The following HSBP1L1 variants were observed in gnomAD, a reference collection of about 807,000 sequenced individuals.
The protein encoded by HSBP1L1 is heat shock factor binding protein 1 like 1.
A neutral mutation model predicts 9.7 loss-of-function variants in HSBP1L1; 8 were observed. The ratio of observed to expected loss-of-function variants is 0.82; its 90% CI spans 0.48 to 1.48. The LOEUF is 1.48. Among genes scored for constraint, HSBP1L1 ranks in the 40% most tolerant of loss-of-function variants. HSBP1L1 has a pLI of 0.00. For missense variants in HSBP1L1, 106 were observed against 95.8 expected (o/e 1.11, Z -0.44); for synonymous variants, 39 against 34.4 (o/e 1.13, Z -0.46).
In HSBP1L1 at chr18:79,970,616, G is replaced by A. The variant is rs1021608369; in HGVS notation, c.*165G>A. The stretch of plus-strand genomic sequence containing the variant: ...GCCTGCACCAGAGAAGGAGGCCATC[G>A]GCAAGCCAAGGAGAGCCCTCCCCAG... On this transcript the variant is annotated 3_prime_UTR_variant, in exon 4 of 4. Coordinates refer to ENST00000451882, the MANE Select transcript of HSBP1L1 (RefSeq NM_001136180.2). The A allele has an allele frequency of 4.1e-5, 25 of 614,808 alleles. 1 individual carries two copies. Among genetic ancestry groups the A allele is most frequent in the Non-Finnish European group, 5.7e-5 (19 of 332,414 alleles). The allele number at this position is 614,808 out of a possible 1,614,324, so 38.1% of individuals were successfully genotyped here.
Position 79,964,710 on chromosome 18 carries a change from A to G in HSBP1L1, c.-26A>G. The G allele has an allele frequency of 1.5e-6, 2 of 1,375,972 alleles. No homozygotes were observed. Among genetic ancestry groups the G allele is most frequent in the Non-Finnish European group, 1.9e-6 (2 of 1,053,166 alleles). 85.2% of individuals were successfully genotyped at this position (1,375,972 alleles called of 1,614,324 possible). A position where few individuals can be genotyped will look rare whatever the true frequency, so the allele number is the denominator to read the frequency against. On this transcript the variant is annotated 5_prime_UTR_variant, in exon 1 of 4. Transcript: ENST00000451882. The stretch of plus-strand genomic sequence containing the variant: ...GTCCGCGCGGCCCACGGGACCCCCC[A>G]CTGACGCCCCCGGCCAGCGGTCCAC...
chr18:79,967,200 T>C (rs1352342303), intron 2 of HSBP1L1, among the ~76,000 whole-genome samples: 4 of 150,054 alleles, frequency 2.7e-5, no homozygotes, highest in African/African-American at 9.8e-5. Flanking sequence ...ACACAGGATG[T>C]CTTGTGCAGC....
chr18:79,970,151 C>A, intron 3 of HSBP1L1: 1 of 349,704 alleles, frequency 2.9e-6, no homozygotes, highest in Non-Finnish European at 5.5e-6. Flanking sequence ...TCCTCTGTTG[C>A]TGGCTGTAAC....
chr18:79,965,318 A>T (rs2051251475), intron 1 of HSBP1L1, among the ~76,000 whole-genome samples: 1 of 152,202 alleles, frequency 6.6e-6, no homozygotes, highest in African/African-American at 2.4e-5. Flanking sequence ...ATCTGAAGGA[A>T]TGTGTTGGGC....
At chr18:79,966,472 G>A (rs1175722116) in intron 1 of HSBP1L1, 140 bp from the exon 2 acceptor site, 49 of 597,548 alleles carry the variant, frequency 8.2e-5, no homozygotes. Flanking sequence ...GAATCCAGGA[G>A]GCGGAGGTTG....
intron 1 of HSBP1L1, among the ~76,000 whole-genome samples, chr18:79,964,996 C>T (rs958617887): frequency 8.1e-6 from 1 of 124,196 alleles, no homozygotes; most frequent in Non-Finnish European, 1.6e-5. Context: ...CCTGGGGGGG[C>T]CCCTGAAGAC....
intron 3 of HSBP1L1, 63 bp from the exon 4 acceptor site, chr18:79,970,377 G>A (rs1171404530): frequency 4.2e-6 from 3 of 718,080 alleles, no homozygotes; most frequent in African/African-American, 3.5e-5. Flanking sequence ...TAAAATCAGG[G>A]GTGAACATAC....
At chr18:79,969,271 G>GAGAGAGAGA (rs2051275340) in intron 3 of HSBP1L1, among the ~76,000 whole-genome samples, 9 of 22,950 alleles carry the variant, frequency 3.9e-4, no homozygotes, top group Admixed American at 1.0e-3. Context: ...AGGGAGGGAG[G>GAGAGAGAGA]GAGGGAGGGA....
chr18:79,968,979 C>T (rs1430708139), intron 3 of HSBP1L1, among the ~76,000 whole-genome samples: 5 of 142,728 alleles, frequency 3.5e-5, no homozygotes, highest in Non-Finnish European at 7.6e-5. Context: ...GTCAGGAGAT[C>T]GAGACCATCC....
intron 3 of HSBP1L1, 109 bp downstream of exon 3, chr18:79,968,292 T>C (rs2051267864): frequency 1.5e-6 from 1 of 676,362 alleles, no homozygotes; most frequent in African/African-American, 1.8e-5. Context: ...GCCTCTGTGC[T>C]GCATGAAAAC....
rs2051267211 is a variant in HSBP1L1, at chr18:79,968,184, G to GT, written c.213+2dup. Reference sequence around the variant, plus strand: ...TGAAAATTCTATTAAAGAACAAATGGTAAGGTTATTAGCAAACTATGTCAA... The same window carrying GT: ...TGAAAATTCTATTAAAGAACAAATGGTTAAGGTTATTAGCAAACTATGTCAA... On this transcript the variant is annotated splice_donor_variant, in intron 3 of 3. Coordinates refer to ENST00000451882, the MANE Select transcript of HSBP1L1 (RefSeq NM_001136180.2). LOFTEE classifies it high-confidence loss of function. The GT allele has an allele frequency of 6.6e-7, 1 of 1,517,068 alleles. No individual in the cohort carries two copies. The highest frequency in any genetic ancestry group is 1.4e-5 in the African/African-American group (1 of 72,396). The allele number at this position is 1,517,068 out of a possible 1,614,324, so 94.0% of individuals were successfully genotyped here. A position where few individuals can be genotyped will look rare whatever the true frequency, so the allele number is the denominator to read the frequency against.
At chr18:79,969,355 G>T in intron 3 of HSBP1L1, among the ~76,000 whole-genome samples, 1 of 43,848 alleles carries the variant, frequency 2.3e-5, no homozygotes. Flanking sequence ...AAGAAAGAAA[G>T]AAAGAAAGAA....
intron 3 of HSBP1L1, among the ~76,000 whole-genome samples, chr18:79,969,094 C>T (rs992070102): frequency 2.1e-4 from 32 of 149,144 alleles, no homozygotes; most frequent in Admixed American, 4.0e-4. Context: ...GAGGCTGAGG[C>T]GGGAGAATGC....
intron 2 of HSBP1L1, 130 bp from the exon 3 acceptor site, chr18:79,967,959 C>T (rs960571925): frequency 3.4e-6 from 2 of 595,590 alleles, no homozygotes; most frequent in Non-Finnish European, 3.0e-6. Context: ...TGCATGGACA[C>T]TAGGCCTGTC....
At chr18:79,967,939 G>T (rs577217478) in intron 2 of HSBP1L1, 150 bp from the exon 3 acceptor site, 115 of 540,608 alleles carry the variant, frequency 2.1e-4, no homozygotes, top group Non-Finnish European at 3.2e-4. Flanking sequence ...CTCAGGGAAA[G>T]AAGCTGATTT....
intron 1 of HSBP1L1, among the ~76,000 whole-genome samples, chr18:79,965,069 G>C (rs1211377931): frequency 7.4e-6 from 1 of 135,610 alleles, no homozygotes; most frequent in Non-Finnish European, 1.6e-5. Flanking sequence ...TGTCCTGGGG[G>C]ACCCTGCGAT....
Position 79,966,646 on chromosome 18 carries a change from T to G in HSBP1L1, c.86T>G (p.Phe29Cys), listed in dbSNP as rs2051258697. The G allele has an allele frequency of 6.4e-7, 1 of 1,551,016 alleles. No individual in the cohort carries two copies. The highest frequency in any genetic ancestry group is 1.4e-5 in the African/African-American group (1 of 73,028). Residue 29 changes from phenylalanine to cysteine, a missense_variant, in exon 2 of 4, where the codon TTT becomes TGT. Transcript: ENST00000451882. ...ENLFQELQEH[F>C]QALTATLNLR... ...CTATTTCAGGAACTTCAGGAACATTTTCAAGCTCTGACGGCAACATTAAAC... is the reference window on the plus strand; with the variant it reads ...CTATTTCAGGAACTTCAGGAACATTGTCAAGCTCTGACGGCAACATTAAAC...
chr18:79,964,815 T>C, intron 1 of HSBP1L1, 29 bp downstream of exon 1: 1 of 959,892 alleles, frequency 1.0e-6, no homozygotes, highest in Non-Finnish European at 1.3e-6. Context: ...CCTGCTTCTC[T>C]CTGGATGGGG....
At chr18:79,965,820 T>C (rs963570567) in intron 1 of HSBP1L1, among the ~76,000 whole-genome samples, 1 of 152,232 alleles carries the variant, frequency 6.6e-6, no homozygotes, top group Non-Finnish European at 1.5e-5. Flanking sequence ...GCCCTCATGA[T>C]TCCCGCGCTG....
Sources: gnomAD v4.1 joint callset for allele counts (sites outside exome capture counted in the v4.1 genomes callset) on GRCh38, gnomAD v4.1.1 for gene constraint, MANE v1.5 for transcripts, NCBI Gene and HGNC (gene_info 2026-07-23, HGNC 2026-07-21) for gene names.